The following TBC1D32 variants were observed in gnomAD, a reference collection of about 807,000 sequenced individuals.
The protein encoded by TBC1D32 is protein broad-minded.
Under a neutral mutation model 170.3 loss-of-function variants are expected in TBC1D32, and 151 were observed. That is an observed-to-expected ratio of 0.89 (90% CI 0.78 to 1.01). The LOEUF is 1.01. Among genes scored for constraint, TBC1D32 ranks in the 50% least tolerant of loss-of-function variants. The pLI is 0.00. For synonymous variants in TBC1D32, 498 were observed against 488.0 expected, an observed-to-expected ratio of 1.02 and a Z score of -0.27; for missense variants, 1,464 against 1,457.1, an observed-to-expected ratio of 1.00 and a Z score of -0.08.
At chr6:121,105,891 G>A (rs769352505) in intron 30 of TBC1D32, 132 bp downstream of exon 30, 20 of 1,058,710 alleles carry the variant, frequency 1.9e-5, no homozygotes, top group Middle Eastern at 2.4e-4. Flanking sequence ...GGCCTGGGGA[G>A]AAAAGCTAGC....
At chr6:121,321,821 G>A in intron 1 of TBC1D32, 27 bp from the exon 2 acceptor site, 1 of 1,587,098 alleles carries the variant, frequency 6.3e-7, no homozygotes, top group Non-Finnish European at 8.6e-7. Context: ...GAAAATAAAT[G>A]CGGTAAATAT....
At chr6:121,248,898 C>T (rs1797955831) in intron 17 of TBC1D32, among the ~76,000 whole-genome samples, 1 of 151,816 alleles carries the variant, frequency 6.6e-6, no homozygotes, top group African/African-American at 2.4e-5. Flanking sequence ...AGTACCAATC[C>T]TACTGAAACT....
At chr6:121,222,373 C>T (rs1460628697) in intron 21 of TBC1D32, among the ~76,000 whole-genome samples, 1 of 151,868 alleles carries the variant, frequency 6.6e-6, no homozygotes, top group African/African-American at 2.4e-5. Flanking sequence ...TGCCAACATA[C>T]AAGTAAGCAC....
intron 10 of TBC1D32, among the ~76,000 whole-genome samples, chr6:121,297,917 A>C (rs1351085272): frequency 1.3e-5 from 2 of 152,098 alleles, no homozygotes; most frequent in African/African-American, 4.8e-5. Context: ...GAGAAGCTAG[A>C]GGAAATACAT....
At chr6:121,291,859 AT>A (rs1198361265) in intron 12 of TBC1D32, among the ~76,000 whole-genome samples, 193 bp downstream of exon 12, 8 of 152,212 alleles carry the variant, frequency 5.3e-5, no homozygotes, top group African/African-American at 1.9e-4. Context: ...TAAAAAAAAA[AT>A]ACATGTAGAA....
chr6:121,263,467 T>C (rs758270573), intron 15 of TBC1D32, among the ~76,000 whole-genome samples: 2 of 152,276 alleles, frequency 1.3e-5, no homozygotes, highest in Non-Finnish European at 1.5e-5. Context: ...TAAAAGCGGC[T>C]TAGACTACCA....
intron 31 of TBC1D32, among the ~76,000 whole-genome samples, chr6:121,086,230 T>A (rs1438164730): frequency 6.6e-6 from 1 of 152,030 alleles, no homozygotes; most frequent in East Asian, 1.9e-4. Flanking sequence ...AACAACCCTA[T>A]GTGATGAAGA....
At chr6:121,258,860 C>G (rs1266943165) in intron 15 of TBC1D32, among the ~76,000 whole-genome samples, 1 of 151,830 alleles carries the variant, frequency 6.6e-6, no homozygotes, top group Non-Finnish European at 1.5e-5. Context: ...TTCCAGTCTT[C>G]CATTAATATA....
intron 20 of TBC1D32, among the ~76,000 whole-genome samples, chr6:121,236,524 G>T (rs1796344914): frequency 6.6e-6 from 1 of 152,022 alleles, no homozygotes; most frequent in Admixed American, 6.5e-5. Context: ...AATGAAAAAA[G>T]AATCCCTTAG....
At chr6:121,127,801 C>A (rs1425919102) in intron 25 of TBC1D32, among the ~76,000 whole-genome samples, 3 of 152,104 alleles carry the variant, frequency 2.0e-5, no homozygotes, top group Non-Finnish European at 4.4e-5. Flanking sequence ...AAAGGTTATA[C>A]AGAAAGACAC....
Position 121,292,113 on chromosome 6 carries a change from T to C in TBC1D32, c.1312A>G (p.Arg438Gly), listed in dbSNP as rs775154354. The C allele has an allele frequency of 6.2e-7, 1 of 1,603,804 alleles. No individual in the cohort carries two copies. The highest frequency in any genetic ancestry group is 1.1e-5 in the South Asian group (1 of 88,376). The change falls in exon 12 of 32, where the codon AGA becomes GGA. Residue 438 changes from arginine to glycine, a missense_variant. This residue lies in a region of TBC1D32 where 1,363 missense variants were observed against 1,338.1 expected (regional missense o/e 1.02). Transcript: ENST00000398212. ...YFIHSLCLLG[R>G]LLIYKQGRKL... is the part of the protein sequence containing the mutation. ...CTGCCTTGTTTATAGATCAATAATC[T>C]TCCTAAAAGGCACAGTGAGTGAATG...
intron 22 of TBC1D32, among the ~76,000 whole-genome samples, chr6:121,172,908 CT>C (rs1490430881): frequency 6.6e-6 from 1 of 152,018 alleles, no homozygotes; most frequent in African/African-American, 2.4e-5. Context: ...TAATTATAAT[CT>C]TTTTGTTGCC....
chr6:121,334,547 A>C (rs1179805209), upstream of TBC1D32: 2 of 1,288,050 alleles, frequency 1.6e-6, no homozygotes, highest in Non-Finnish European at 2.1e-6. Flanking sequence ...GTTCCCAGGG[A>C]TACCGCGGCG....
rs567530456 is a variant in TBC1D32, at chr6:121,308,008, C to A, written c.658G>T (p.Val220Leu). ...ACAGGATCAGGATCTGAAAGAGACA[C>A]GGTCAGTTTTTCGCAGAGAGTAGTC... ...NWTTLCEKLT[V>L]SLSDPDPVFS... is the part of the protein sequence containing the mutation. Residue 220 changes from valine to leucine, a missense_variant, in exon 5 of 32, where the codon GTG becomes TTG. By Grantham distance (32) the Val-to-Leu change is conservative. Transcript: ENST00000398212. 6.2e-7 allele frequency: 1 copy of A among 1,613,606 alleles called. No homozygotes were observed. The highest frequency in any genetic ancestry group is 8.5e-7 in the Non-Finnish European group (1 of 1,179,748).
chr6:121,161,211 G>C (rs1785593164), intron 22 of TBC1D32, among the ~76,000 whole-genome samples, 155 bp from the exon 23 acceptor site: 1 of 152,042 alleles, frequency 6.6e-6, no homozygotes, highest in South Asian at 2.1e-4. Context: ...ATTTTATTAA[G>C]TTCAGGGTAC....
chr6:121,246,728 A>AT (rs1797669313), intron 17 of TBC1D32, among the ~76,000 whole-genome samples: 1 of 151,862 alleles, frequency 6.6e-6, no homozygotes, highest in Admixed American at 6.6e-5. Context: ...ACACTGGGAC[A>AT]TAAAAAATAC....
chr6:121,273,777 G>A (rs1563185516), intron 15 of TBC1D32, among the ~76,000 whole-genome samples: 1 of 151,980 alleles, frequency 6.6e-6, no homozygotes, highest in Non-Finnish European at 1.5e-5. Context: ...ACCTACTCTT[G>A]TGCCAATCAC....
chr6:121,125,053 A>G (rs1780679693), intron 26 of TBC1D32, among the ~76,000 whole-genome samples: 1 of 152,126 alleles, frequency 6.6e-6, no homozygotes, highest in Non-Finnish European at 1.5e-5. Flanking sequence ...CCATTTGGTG[A>G]GGTCGTATTT....
chr6:121,267,144 C>T (rs4257888), intron 15 of TBC1D32, among the ~76,000 whole-genome samples: 17 of 146,576 alleles, frequency 1.2e-4, no homozygotes, highest in South Asian at 4.3e-4. Flanking sequence ...AAAAAAAGGT[C>T]GGGGGGAGGT....
Sources: allele counts gnomAD v4.1 joint callset (sites outside exome capture counted in the v4.1 genomes callset), GRCh38; gene constraint gnomAD v4.1.1; regional missense constraint gnomAD v4.1.1; transcripts MANE v1.5; gene names NCBI Gene and HGNC (gene_info 2026-07-23, HGNC 2026-07-21).